The following RFFL variants were observed in gnomAD, a reference collection of about 807,000 sequenced individuals.
RFFL encodes E3 ubiquitin-protein ligase rififylin.
Under a neutral mutation model 40.4 loss-of-function variants are expected in RFFL, and 16 were observed. That is an observed-to-expected ratio of 0.40 (90% CI 0.27 to 0.60). The LOEUF (loss-of-function observed/expected upper bound fraction) is 0.60. RFFL is among the 20% of genes least tolerant of loss of function. The probability of loss-of-function intolerance (pLI) is 0.47; values close to 1 mark genes in which losing one functional copy is unlikely to be tolerated. For synonymous variants in RFFL, 154 were observed against 167.9 expected (o/e 0.92, Z 0.64); for missense variants, 367 against 451.7 (o/e 0.81, Z 1.70).
intron 1 of RFFL, among the ~76,000 whole-genome samples, chr17:35,046,041 A>G (rs1258829208): frequency 6.6e-6 from 1 of 151,638 alleles, no homozygotes; most frequent in Non-Finnish European, 1.5e-5. Context: ...AAAAAAAAAA[A>G]GGACAGAAAC....
At chr17:35,038,553 C>CTTCAGTTGATTTAT (rs1382608328) in intron 1 of RFFL, among the ~76,000 whole-genome samples, 21 of 152,198 alleles carry the variant, frequency 1.4e-4, no homozygotes, top group Middle Eastern at 3.4e-3. Context: ...TGTCCATCAA[C>CTTCAGTTGATTTAT]GGTAGAATTA....
Position 35,080,879 on chromosome 17 carries a change from T to A in RFFL, c.-9+8226A>T, listed in dbSNP as rs1191636016. Among the ~76,000 whole-genome samples, 3 of 152,162 alleles carry A rather than the reference T, an allele frequency of 2.0e-5. No homozygotes were observed. In the East Asian group the frequency reaches 5.8e-4, roughly 29 times the overall value. On this transcript the variant is annotated intron_variant, in intron 1 of 6. Coordinates refer to the RFFL transcript ENST00000315249. ...CAACTCAGAGATAATGAAAACATAT[T>A]TTTATATGTAATTCTAGAAAAGGCA...
chr17:35,007,911 T>C lies in RFFL; in HGVS notation c.*4057A>G, dbSNP rs988741037. The C allele has an allele frequency of 2.0e-5, 3 of 152,168 alleles. No homozygotes were observed. Among genetic ancestry groups the C allele is most frequent in the Non-Finnish European group, 4.4e-5 (3 of 68,040 alleles). 9.4% of individuals were successfully genotyped at this position (152,168 alleles called of 1,614,324 possible). Reference sequence around the variant, plus strand: ...CACACCATCACTCGCAGCTAAGTTTTTGTATTTTTAGTAGAGACCACGTTT... The same window carrying C: ...CACACCATCACTCGCAGCTAAGTTTCTGTATTTTTAGTAGAGACCACGTTT... On this transcript the variant is annotated 3_prime_UTR_variant, in exon 7 of 7. Coordinates refer to ENST00000394597, the MANE Select transcript of RFFL (RefSeq NM_001017368.2).
chr17:35,065,553 C>G (rs1402474738), upstream of RFFL, among the ~76,000 whole-genome samples: 1 of 139,040 alleles, frequency 7.2e-6, no homozygotes, highest in South Asian at 2.2e-4. Context: ...AGCAAAACTT[C>G]GTCTCAAAAA....
upstream of RFFL, among the ~76,000 whole-genome samples, chr17:35,068,149 ACAAAGGAGAAAACC>A (rs376961166): frequency 2.2e-4 from 34 of 152,374 alleles, no homozygotes; most frequent in African/African-American, 8.2e-4. Flanking sequence ...GTCAAATAAA[ACAAAGGAGAAAACC>A]CAAAGGAACA....
At chr17:35,073,419 T>A (rs2091360734) in intron 1 of RFFL, among the ~76,000 whole-genome samples, 1 of 152,130 alleles carries the variant, frequency 6.6e-6, no homozygotes, top group African/African-American at 2.4e-5. Flanking sequence ...AAAGATGTGG[T>A]TTCCAGGTAA....
At chr17:35,082,886 G>A (rs2091409416) in intron 1 of RFFL, among the ~76,000 whole-genome samples, 1 of 152,118 alleles carries the variant, frequency 6.6e-6, no homozygotes, top group African/African-American at 2.4e-5. Flanking sequence ...GGAAGTGGGG[G>A]AGTCAGAATT....
chr17:35,088,359 A>G (rs2091441325), intron 1 of RFFL, among the ~76,000 whole-genome samples: 1 of 152,156 alleles, frequency 6.6e-6, no homozygotes, highest in Non-Finnish European at 1.5e-5. Flanking sequence ...AGACCAACAA[A>G]AAGGAGAAAA....
intron 1 of RFFL, among the ~76,000 whole-genome samples, chr17:35,074,621 G>A (rs1371701472): frequency 6.6e-6 from 1 of 152,114 alleles, no homozygotes; most frequent in African/African-American, 2.4e-5. Flanking sequence ...TCACATTTGT[G>A]GAACACAGAT....
chr17:35,039,378 C>T (rs905797546), intron 1 of RFFL, among the ~76,000 whole-genome samples: 7 of 151,958 alleles, frequency 4.6e-5, no homozygotes, highest in Admixed American at 1.3e-4. Context: ...TGCCATCACA[C>T]CCAGCTAATT....
chr17:35,030,430 C>T (rs2142332544), intron 1 of RFFL, among the ~76,000 whole-genome samples: 1 of 151,806 alleles, frequency 6.6e-6, no homozygotes. Context: ...ATTTGCATTT[C>T]TCTGATGGCC....
At chr17:35,034,085 G>C (rs2091103693) in intron 1 of RFFL, among the ~76,000 whole-genome samples, 1 of 150,690 alleles carries the variant, frequency 6.6e-6, no homozygotes, top group African/African-American at 2.5e-5. Context: ...GGAGCTTGCA[G>C]TGAGCCGAGA....
chr17:35,047,949 A>G (rs2142353271), intron 1 of RFFL, among the ~76,000 whole-genome samples: 1 of 151,372 alleles, frequency 6.6e-6, no homozygotes, highest in East Asian at 2.0e-4. Flanking sequence ...ACGGGGTTTC[A>G]CCACGTTGGC....
intron 1 of RFFL, among the ~76,000 whole-genome samples, chr17:35,080,276 T>G (rs1374630716): frequency 6.6e-6 from 1 of 152,188 alleles, no homozygotes. Context: ...ACGCAAGACC[T>G]AGAAGAGGGT....
chr17:35,050,034 A>G (rs754638673), intron 1 of RFFL, among the ~76,000 whole-genome samples: 30 of 151,486 alleles, frequency 2.0e-4, no homozygotes, highest in Non-Finnish European at 4.1e-4. Flanking sequence ...GAGAGCTGAG[A>G]TCACGCCATT....
intron 3 of RFFL, chr17:35,018,823 T>C (rs573933897): frequency 6.6e-6 from 1 of 152,388 alleles, no homozygotes; most frequent in South Asian, 2.1e-4. Flanking sequence ...CACTGGTCTC[T>C]CAGGTAGTGT....
chr17:35,077,340 A>C (rs2091382244), intron 1 of RFFL, among the ~76,000 whole-genome samples: 1 of 152,176 alleles, frequency 6.6e-6, no homozygotes, highest in African/African-American at 2.4e-5. Context: ...AATGCTATTC[A>C]AAGTGTGTGT....
intron 1 of RFFL, among the ~76,000 whole-genome samples, chr17:35,031,476 T>G (rs751054491): frequency 1.2e-4 from 18 of 152,158 alleles, no homozygotes; most frequent in Non-Finnish European, 2.2e-4. Flanking sequence ...ACCAGTGCCT[T>G]GCTGTTTCCA....
intron 4 of RFFL, 50 bp from the exon 5 acceptor site, chr17:35,016,630 C>G (rs2090975539): frequency 4.0e-6 from 6 of 1,493,898 alleles, no homozygotes; most frequent in Middle Eastern, 1.8e-4. Flanking sequence ...CCTCCCCAAG[C>G]TCTTTCTCCA....
Sources: gnomAD v4.1 joint callset for allele counts (sites outside exome capture counted in the v4.1 genomes callset) on GRCh38, gnomAD v4.1.1 for gene constraint, MANE v1.5 for transcripts, NCBI Gene and HGNC (gene_info 2026-07-23, HGNC 2026-07-21) for gene names.